ZNF500: variants seen among roughly 807,000 people sequenced by gnomAD.
ZNF500 encodes the protein zinc finger protein 500, also known as zinc finger protein with KRAB and SCAN domains 18.
In ZNF500, 31 loss-of-function variants were observed where a neutral mutation model predicts 30.1. The observed-to-expected ratio is 1.03, with a 90% CI of 0.77 to 1.39. The LOEUF (loss-of-function observed/expected upper bound fraction) is 1.39. ZNF500 is among the 40% of genes most tolerant of loss of function. The probability of loss-of-function intolerance (pLI) is 0.00; values close to 1 mark genes in which losing one functional copy is unlikely to be tolerated. For missense variants in ZNF500, 817 were observed against 657.8 expected (o/e 1.24, Z -2.65); for synonymous variants, 392 against 282.0 (o/e 1.39, Z -3.91).
rs1327520456 is a variant in ZNF500 at position 4,765,783 on chromosome 16, C to T, written c.196G>A (p.Glu66Lys). Reference protein sequence around the residue: ...FCYQEVAGPREALSRLWELCC... With the variant: ...FCYQEVAGPRKALSRLWELCC... ...AGCTCCCAGAGGCGGCTCAGGGCCT[C>T]CCGGGGCCCAGCCACCTCCTGGTAG... Residue 66 changes from glutamate (E) to lysine (K), a missense_variant, in exon 2 of 6, where the codon GAG becomes AAG. Transcript: ENST00000219478. The T allele has an allele frequency of 2.5e-6, 4 of 1,612,896 alleles. No individual in the cohort carries two copies. The highest frequency in any genetic ancestry group is 3.4e-6 in the Non-Finnish European group (4 of 1,179,868).
chr16:4,751,500 G>C lies in ZNF500; in HGVS notation c.*876C>G, dbSNP rs989300052. 78 of 1,415,356 alleles carry C rather than the reference G, an allele frequency of 5.5e-5. No individual in the cohort carries two copies. The highest frequency in any genetic ancestry group is 7.3e-5 in the Non-Finnish European group (77 of 1,061,090). 87.7% of individuals were successfully genotyped at this position (1,415,356 alleles called of 1,614,324 possible). The stretch of plus-strand genomic sequence containing the variant: ...TGCAGAGCAGCTATGGATCTGCAAA[G>C]GGGACTGGAATGCTGCAGAGCCCCG... On this transcript the variant is annotated 3_prime_UTR_variant, in exon 6 of 6. Transcript: ENST00000219478.
In ZNF500 at chr16:4,762,444, A is replaced by C. The variant is rs1596504949; in HGVS notation, c.599-109T>G. The C allele has an allele frequency of 7.9e-6, 12 of 1,509,864 alleles. No individual in the cohort carries two copies. In the East Asian group the frequency reaches 2.5e-4, roughly 32 times the overall value. 93.5% of individuals were successfully genotyped at this position (1,509,864 alleles called of 1,614,324 possible). On this transcript the variant is annotated intron_variant, in intron 3 of 5. Transcript: ENST00000219478. ...CCCGGCGGCTGCCCACCCAAGATCC[A>C]CTCCTTGCTGGAGAGCCTGTGCACC...
chr16:4,758,989 C>T (rs1309987295), intron 5 of ZNF500, among the ~76,000 whole-genome samples: 1 of 152,164 alleles, frequency 6.6e-6, no homozygotes, highest in Non-Finnish European at 1.5e-5. Flanking sequence ...GCAGGCAGAT[C>T]ACTTGAGATC....
At position 4,762,586 on chromosome 16, in the gene ZNF500, C is replaced by G; in HGVS notation, c.585G>C (p.Leu195Phe). ...GGTGCTACTCACCTCTCTCTGGCCACAACAGCGGGCCCCTCTGTGGCCTGT... is the reference window on the plus strand; with the variant it reads ...GGTGCTACTCACCTCTCTCTGGCCAGAACAGCGGGCCCCTCTGTGGCCTGT... ...LSHRPQRGPL[L>F]WPERGPPAPR... Residue 195 changes from leucine (L) to phenylalanine (F), a missense_variant, in exon 3 of 6, where the codon TTG becomes TTC. Leu to Phe is a conservative substitution (Grantham distance 22). Coordinates refer to ENST00000219478, the MANE Select transcript of ZNF500 (RefSeq NM_021646.4). 1 of 1,612,930 alleles carries G rather than the reference C, an allele frequency of 6.2e-7. No homozygotes were observed. Among genetic ancestry groups the G allele is most frequent in the South Asian group, 1.1e-5 (1 of 90,966 alleles).
At chr16:4,760,820 C>T (rs532158759) in intron 4 of ZNF500, among the ~76,000 whole-genome samples, 5 of 152,142 alleles carry the variant, frequency 3.3e-5, no homozygotes, top group African/African-American at 4.8e-5. Flanking sequence ...GGGACAGATT[C>T]GCCACGAGGA....
chr16:4,763,174 G>A (rs1596505961), intron 2 of ZNF500: 1 of 945,402 alleles, frequency 1.1e-6, no homozygotes, highest in Non-Finnish European at 1.3e-6. Flanking sequence ...GAGGTGGGTG[G>A]ATCACCTGAG....
chr16:4,766,875 C>G lies in ZNF500; in HGVS notation c.-99+142G>C, dbSNP rs368558447. 5.8e-3 allele frequency: 881 copies of G among 152,388 alleles called. 4 individuals carry two copies. Among genetic ancestry groups the G allele is most frequent in the South Asian group, 0.014 (68 of 4,830 alleles). 9.4% of individuals were successfully genotyped at this position (152,388 alleles called of 1,614,324 possible). On this transcript the variant is annotated intron_variant, in intron 1 of 5. Transcript: ENST00000219478. ...CAGGGTCCTGGGAGAGCTGGGACCC[C>G]CAGGCCGGGCTGCTTTCCCGTCTCA... is the stretch of plus-strand genomic sequence containing the variant.
rs372101693 is a variant in ZNF500, at chr16:4,766,021, A to T, written c.-43T>A. 2.0e-6 allele frequency: 3 copies of T among 1,511,224 alleles called. No homozygotes were observed. The African/African-American group carries it at 4.2e-5, about 21-fold the overall frequency. 93.6% of individuals were successfully genotyped at this position (1,511,224 alleles called of 1,614,324 possible). On this transcript the variant is annotated 5_prime_UTR_variant, in exon 2 of 6. Transcript: ENST00000219478. Reference sequence around the variant, plus strand: ...GTTCCTTTTCAGGCCTTAGAGTTGAACCTGTCTCTCTCTATACCTCTGGCC... The same window carrying T: ...GTTCCTTTTCAGGCCTTAGAGTTGATCCTGTCTCTCTCTATACCTCTGGCC...
chr16:4,747,407 C>T (rs2082031896), downstream of ZNF500: 7 of 1,612,594 alleles, frequency 4.3e-6, no homozygotes, highest in Non-Finnish European at 5.9e-6. Flanking sequence ...GACAGCCCAG[C>T]CCGAGCTGCC....
intron 5 of ZNF500, among the ~76,000 whole-genome samples, chr16:4,753,947 G>C (rs147112549): frequency 1.1e-4 from 17 of 152,374 alleles, no homozygotes; most frequent in Non-Finnish European, 8.8e-5. Context: ...TGCAGATCCA[G>C]GTTCTAGAGC....
At chr16:4,764,032 G>T (rs925561164) in intron 2 of ZNF500, 2 of 985,422 alleles carry the variant, frequency 2.0e-6, no homozygotes, top group South Asian at 4.7e-5. Context: ...TTCCACAACT[G>T]AAACTGAAGC....
At chr16:4,746,270 A>G (rs2082016455), downstream of ZNF500, 4 of 1,236,836 alleles carry the variant, frequency 3.2e-6, no homozygotes. Flanking sequence ...GAGAGTGGGC[A>G]CTCACTGGGT....
chr16:4,744,912 T>G (rs1376938606), downstream of ZNF500: 1 of 1,613,864 alleles, frequency 6.2e-7, no homozygotes, highest in Non-Finnish European at 8.5e-7. Context: ...ATGGAACAGC[T>G]GGCCCTCCTG....
At chr16:4,759,761 G>A (rs563176249) in intron 5 of ZNF500, among the ~76,000 whole-genome samples, 5 of 152,218 alleles carry the variant, frequency 3.3e-5, no homozygotes, top group African/African-American at 4.8e-5. Flanking sequence ...GCATGGCCAC[G>A]CACGGTGGCT....
chr16:4,765,464 G>A (rs772825100), intron 2 of ZNF500, 101 bp downstream of exon 2: 331 of 1,476,886 alleles, frequency 2.2e-4, no homozygotes, highest in Middle Eastern at 2.0e-3. Context: ...CAGGGGCCAG[G>A]CAGCCACACT....
At chr16:4,761,517 AC>A (rs2082200496) in intron 4 of ZNF500, among the ~76,000 whole-genome samples, 1 of 143,684 alleles carries the variant, frequency 7.0e-6, no homozygotes, top group Non-Finnish European at 1.5e-5. Context: ...ACACACACAC[AC>A]ACACACACAT....
In ZNF500 at chr16:4,766,700, G is replaced by C. The variant is rs559807987; in HGVS notation, c.-99+317C>G. On this transcript the variant is annotated intron_variant, in intron 1 of 5. Transcript: ENST00000219478. ...GATTAGAGTGGGTCCTATATGGAAG[G>C]GGTTCCTTTGGAAATCTGATGAAAA... 1.1e-4 allele frequency among the ~76,000 whole-genome samples: 17 copies of C among 152,308 alleles called. 3 individuals carry two copies. Among genetic ancestry groups the C allele is most frequent in the Admixed American group, 8.5e-4 (13 of 15,294 alleles).
At chr16:4,746,327 A>C, downstream of ZNF500, 1 of 1,567,752 alleles carries the variant, frequency 6.4e-7, no homozygotes, top group Non-Finnish European at 8.7e-7. Context: ...CAGGTCACAG[A>C]GTTATCACAG....
At chr16:4,745,206 T>C (rs573259381), downstream of ZNF500, among the ~76,000 whole-genome samples, 2 of 152,280 alleles carry the variant, frequency 1.3e-5, no homozygotes, top group African/African-American at 4.8e-5. Context: ...AGGTTGACTC[T>C]CTCTGGCCAT....
Sources: gnomAD v4.1 joint callset for allele counts (sites outside exome capture counted in the v4.1 genomes callset) on GRCh38, gnomAD v4.1.1 for gene constraint, MANE v1.5 for transcripts, NCBI Gene and HGNC (gene_info 2026-07-23, HGNC 2026-07-21) for gene names.